The following OSBPL5 variants were observed in gnomAD, a reference collection of about 807,000 sequenced individuals.
The protein encoded by OSBPL5 is oxysterol binding protein like 5.
In OSBPL5, 71 loss-of-function variants were observed where a neutral mutation model predicts 111.2. The ratio of observed to expected loss-of-function variants is 0.64; its 90% CI spans 0.53 to 0.78. OSBPL5 has a LOEUF of 0.78. OSBPL5 is among the 30% of genes least tolerant of loss of function. The probability of loss-of-function intolerance (pLI) is 0.00; values close to 1 mark genes in which losing one functional copy is unlikely to be tolerated. For missense variants in OSBPL5, 1,210 were observed against 1,189.3 expected (o/e 1.02, Z -0.26); for synonymous variants, 549 against 513.9 (o/e 1.07, Z -0.93).
intron 17 of OSBPL5, 125 bp from the exon 18 acceptor site, chr11:3,093,177 G>A: frequency 3.0e-6 from 3 of 1,012,356 alleles, no homozygotes; most frequent in Non-Finnish European, 2.8e-6. Context: ...TGCCTACAGT[G>A]ACAGGGAGCT....
At chr11:3,152,952 T>C (rs1181424161) in intron 1 of OSBPL5, among the ~76,000 whole-genome samples, 3 of 152,084 alleles carry the variant, frequency 2.0e-5, no homozygotes, top group Non-Finnish European at 4.4e-5. Flanking sequence ...TCTAACAATC[T>C]TACTCATCTG....
chr11:3,143,033 G>T (rs1027362904), intron 1 of OSBPL5, among the ~76,000 whole-genome samples: 3 of 33,806 alleles, frequency 8.9e-5, no homozygotes, highest in Admixed American at 2.8e-4. Context: ...GCAGGTGCGG[G>T]GGGGGGCAGA....
At position 3,121,847 on chromosome 11, in the gene OSBPL5, T is replaced by C; in HGVS notation, c.402+150A>G. ...AGAGACAGGTGGATAAGGAAAGGCC[T>C]CATGAGGAAGGAGCAGAGGCTGCAG... On this transcript the variant is annotated intron_variant, in intron 5 of 21. Coordinates refer to ENST00000263650, the MANE Select transcript of OSBPL5 (RefSeq NM_020896.4). The surrounding 1 kb of genome is among the most constrained non-coding windows in gnomAD (Gnocchi z 4.3). 1 of 687,240 alleles carries C rather than the reference T, an allele frequency of 1.5e-6. No individual in the cohort carries two copies. The highest frequency in any genetic ancestry group is 1.8e-5 in the South Asian group (1 of 54,678). 42.6% of individuals were successfully genotyped at this position (687,240 alleles called of 1,614,324 possible). A position where few individuals can be genotyped will look rare whatever the true frequency, so the allele number is the denominator to read the frequency against.
chr11:3,149,547 CGTGGGGACA>C (rs1184397394), intron 1 of OSBPL5, among the ~76,000 whole-genome samples: 1 of 152,212 alleles, frequency 6.6e-6, no homozygotes, highest in Non-Finnish European at 1.5e-5. Flanking sequence ...CCGCGCAGGC[CGTGGGGACA>C]GTTTATGCGT....
In OSBPL5 at chr11:3,107,424, A is replaced by G; in HGVS notation, c.898T>C (p.Phe300Leu). The G allele has an allele frequency of 6.2e-7, 1 of 1,614,018 alleles. No individual in the cohort carries two copies. Among genetic ancestry groups the G allele is most frequent in the Non-Finnish European group, 8.5e-7 (1 of 1,179,982 alleles). Residue 300 changes from phenylalanine (F) to leucine (L), a missense_variant, in exon 9 of 22, where the codon TTC (phenylalanine) becomes CTC (leucine). Transcript: ENST00000263650. This position sits in a 1 kb window ranked among gnomAD's most constrained non-coding sequence, Gnocchi z 6.1. ...TTCTCTCTCTCCGACTTGTCTGAGA[A>G]TGCATCGTTCTCCAGGGAAGACCCG... ...LNGSSLENDAFSDKSERENPE... is the reference protein window; with the variant it reads ...LNGSSLENDALSDKSERENPE...
chr11:3,132,571 A>G (rs930321987), intron 1 of OSBPL5, among the ~76,000 whole-genome samples: 2 of 150,118 alleles, frequency 1.3e-5, no homozygotes, highest in Admixed American at 1.3e-4. Flanking sequence ...CCCATTCCCC[A>G]GCCCACTCTG....
Position 3,148,659 on chromosome 11 carries a change from T to C in OSBPL5, c.-22+16557A>G, listed in dbSNP as rs138626329. The stretch of plus-strand genomic sequence containing the variant: ...GAAGCCAAACGGGAGAGGACACAGA[T>C]TTCTCTTGAAGGCACAAACTGAAGG... On this transcript the variant is annotated intron_variant, in intron 1 of 21. Coordinates refer to ENST00000263650, the MANE Select transcript of OSBPL5 (RefSeq NM_020896.4). Among the ~76,000 whole-genome samples, 1,051 of 152,274 alleles carry C rather than the reference T, an allele frequency of 6.9e-3. 8 individuals carry two copies. Among genetic ancestry groups the C allele is most frequent in the Admixed American group, 0.016 (240 of 15,290 alleles).
chr11:3,155,566 G>A (rs1489938546), intron 1 of OSBPL5, among the ~76,000 whole-genome samples: 1 of 109,396 alleles, frequency 9.1e-6, no homozygotes, highest in African/African-American at 3.3e-5. Flanking sequence ...CCCCAGCTCT[G>A]CCACTCACCC....
In OSBPL5 at chr11:3,092,590, G is replaced by C; in HGVS notation, c.2133-32C>G. On this transcript the variant is annotated intron_variant, in intron 18 of 21. Transcript: ENST00000263650. This position sits in a 1 kb window ranked among gnomAD's most constrained non-coding sequence, Gnocchi z 5.4. ...GGTCCAGAGGGCGTTCATCAGCACA[G>C]GCAGTGGCCCTCAGGTGAGGGGGCT... 6.5e-7 allele frequency: 1 copy of C among 1,548,886 alleles called. No individual in the cohort carries two copies. Among genetic ancestry groups the C allele is most frequent in the Non-Finnish European group, 8.8e-7 (1 of 1,142,220 alleles).
intron 17 of OSBPL5, 118 bp downstream of exon 17, chr11:3,093,409 G>T: frequency 6.9e-7 from 1 of 1,449,046 alleles, no homozygotes; most frequent in Non-Finnish European, 9.3e-7. Flanking sequence ...CACCAGGCCT[G>T]CCCTCCCTGC....
intron 2 of OSBPL5, among the ~76,000 whole-genome samples, chr11:3,128,471 T>G (rs997846106): frequency 2.6e-5 from 4 of 152,000 alleles, no homozygotes; most frequent in African/African-American, 4.8e-5. Flanking sequence ...GCCTGGAGAG[T>G]GGCAGCATTG....
At chr11:3,103,342 C>G (rs1029271752) in intron 10 of OSBPL5, 22 bp from the exon 11 acceptor site, 6 of 1,587,466 alleles carry the variant, frequency 3.8e-6, no homozygotes, top group Non-Finnish European at 5.1e-6. Context: ...CAGGAGAACG[C>G]TGACCCCAGC....
Position 3,107,716 on chromosome 11 carries a change from C to A in OSBPL5, c.866+55G>T. On this transcript the variant is annotated intron_variant, in intron 8 of 21. Transcript: ENST00000263650. The surrounding 1 kb of genome is among the most constrained non-coding windows in gnomAD (Gnocchi z 6.1). Reference sequence around the variant, plus strand: ...GGGCTGTCCTCTCCCCTCTTCCTCGCCTACAAGGAGACCCCGTGAATCACC... The same window carrying A: ...GGGCTGTCCTCTCCCCTCTTCCTCGACTACAAGGAGACCCCGTGAATCACC... The A allele has an allele frequency of 6.3e-7, 1 of 1,592,944 alleles. No individual in the cohort carries two copies. Among genetic ancestry groups the A allele is most frequent in the Non-Finnish European group, 8.5e-7 (1 of 1,171,600 alleles).
chr11:3,110,816 C>T lies in OSBPL5; in HGVS notation c.692-2871G>A, dbSNP rs1269190903. Among the ~76,000 whole-genome samples, 1 of 152,150 alleles carries T rather than the reference C, an allele frequency of 6.6e-6. No homozygotes were observed. Among genetic ancestry groups the T allele is most frequent in the Non-Finnish European group, 1.5e-5 (1 of 68,036 alleles). Reference sequence around the variant, plus strand: ...AGTTGTCCCGCCTTTCCAGACCAAACCAATGTTCATCTTACATATGTTGGT... The same window carrying T: ...AGTTGTCCCGCCTTTCCAGACCAAATCAATGTTCATCTTACATATGTTGGT... On this transcript the variant is annotated intron_variant, in intron 7 of 21. Coordinates refer to ENST00000263650, the MANE Select transcript of OSBPL5 (RefSeq NM_020896.4). This position sits in a 1 kb window ranked among gnomAD's most constrained non-coding sequence, Gnocchi z 5.3.
At chr11:3,132,438 A>G (rs1394619040) in intron 1 of OSBPL5, among the ~76,000 whole-genome samples, 1 of 151,930 alleles carries the variant, frequency 6.6e-6, no homozygotes, top group Non-Finnish European at 1.5e-5. Flanking sequence ...AGTGCCCCCA[A>G]ATGGTCACCT....
At position 3,122,418 on chromosome 11, in the gene OSBPL5, C is replaced by T. The variant is rs1432000055; in HGVS notation, c.230G>A (p.Arg77Lys). Reference protein sequence around the residue: ...SATKVPPAEYRLCNGSDKECV... With the variant: ...SATKVPPAEYKLCNGSDKECV... Reference sequence around the variant, plus strand: ...TTCCTTGTCTGACCCGTTGCACAGCCTGTACTCTGCCTGAAAGAGAGAGGT... The same window carrying T: ...TTCCTTGTCTGACCCGTTGCACAGCTTGTACTCTGCCTGAAAGAGAGAGGT... The change falls in exon 4 of 22, where the codon AGG (arginine) becomes AAG (lysine). Residue 77 changes from arginine (R) to lysine (K), a missense_variant. Coordinates refer to ENST00000263650, the MANE Select transcript of OSBPL5 (RefSeq NM_020896.4). 6.2e-7 allele frequency: 1 copy of T among 1,613,820 alleles called. No individual in the cohort carries two copies. Among genetic ancestry groups the T allele is most frequent in the East Asian group, 2.2e-5 (1 of 44,868 alleles).
chr11:3,128,863 C>A, intron 2 of OSBPL5, 150 bp downstream of exon 2: 16 of 746,162 alleles, frequency 2.1e-5, no homozygotes, highest in Non-Finnish European at 3.0e-5. Context: ...GGCACTCTAC[C>A]AAGCTACAAA....
chr11:3,103,297 T>C lies in OSBPL5; in HGVS notation c.1268A>G (p.Tyr423Cys). Reference sequence around the variant, plus strand: ...CCGCAGCACCAGCTTCATGCGGCTGTAGGCATCCTCCTCCACCGCAGCCCT... The same window carrying C: ...CCGCAGCACCAGCTTCATGCGGCTGCAGGCATCCTCCTCCACCGCAGCCCT... Reference protein sequence around the residue: ...LSRAAVEEDAYSRMKLVLRWY... With the variant: ...LSRAAVEEDACSRMKLVLRWY... The change falls in exon 11 of 22, where the codon TAC becomes TGC. Residue 423 changes from tyrosine (Y) to cysteine (C), a missense_variant. Physicochemically the swap from Tyr to Cys is radical, Grantham distance 194. Coordinates refer to ENST00000263650, the MANE Select transcript of OSBPL5 (RefSeq NM_020896.4). 1 of 1,607,988 alleles carries C rather than the reference T, an allele frequency of 6.2e-7. No homozygotes were observed. The highest frequency in any genetic ancestry group is 8.5e-7 in the Non-Finnish European group (1 of 1,177,268).
chr11:3,159,906 G>A (rs1392593389), intron 1 of OSBPL5, among the ~76,000 whole-genome samples: 1 of 152,212 alleles, frequency 6.6e-6, no homozygotes, highest in Non-Finnish European at 1.5e-5. Context: ...GGTTTAGGAG[G>A]CAAATAAACT....
Sources: gnomAD v4.1 joint callset for allele counts (sites outside exome capture counted in the v4.1 genomes callset) on GRCh38, gnomAD v4.1.1 for gene constraint, Gnocchi (gnomAD v3.1) non-coding constraint, MANE v1.5 for transcripts, NCBI Gene and HGNC (gene_info 2026-07-23, HGNC 2026-07-21) for gene names.